The following SOX6 variants were observed in gnomAD, a reference collection of about 807,000 sequenced individuals.
SOX6 encodes the protein transcription factor SOX-6.
Under a neutral mutation model 97.8 loss-of-function variants are expected in SOX6, and 11 were observed. The ratio of observed to expected loss-of-function variants is 0.11; its 90% CI spans 0.07 to 0.19. The LOEUF is 0.19. Among genes scored for constraint, SOX6 ranks in the 10% least tolerant of loss-of-function variants. The pLI is 1.00. For missense variants in SOX6, 810 were observed against 1,039.5 expected (o/e 0.78, Z 3.04); for synonymous variants, 360 against 371.4 (o/e 0.97, Z 0.35).
intron 4 of SOX6, among the ~76,000 whole-genome samples, chr11:16,192,424 T>G (rs1851656622): frequency 6.6e-6 from 1 of 152,168 alleles, no homozygotes; most frequent in African/African-American, 2.4e-5. Context: ...GTACTTAAAA[T>G]TTTGAGTCTC....
intron 6 of SOX6, among the ~76,000 whole-genome samples, chr11:16,124,216 A>T (rs1229718032): frequency 6.6e-6 from 1 of 152,136 alleles, no homozygotes; most frequent in Non-Finnish European, 1.5e-5. Context: ...GTTTCTTTTA[A>T]GACCTGACAC....
Position 16,573,706 on chromosome 11 carries a change from C to T in SOX6, n.609+38375G>A, listed in dbSNP as rs142573433. ...CATTAATTTATTTTTAACCTATTAACCAATTGAAAATATGACAATTTCCAG... is the reference window on the plus strand; with the variant it reads ...CATTAATTTATTTTTAACCTATTAATCAATTGAAAATATGACAATTTCCAG... On this transcript the variant is annotated intron_variant and non_coding_transcript_variant, in intron 4 of 5. Transcript: ENST00000524520. 6.4e-3 allele frequency among the ~76,000 whole-genome samples: 967 copies of T among 152,248 alleles called. 6 individuals are homozygous for T. The highest frequency in any genetic ancestry group is 9.9e-3 in the Non-Finnish European group (672 of 67,990).
At chr11:16,461,191 G>C (rs1417714253) in intron 1 of SOX6, among the ~76,000 whole-genome samples, 4 of 152,062 alleles carry the variant, frequency 2.6e-5, no homozygotes, top group Non-Finnish European at 5.9e-5. Context: ...GAGTCATTTT[G>C]ACTCCTTTCC....
chr11:16,132,470 A>AAG (rs1350261357), intron 6 of SOX6, among the ~76,000 whole-genome samples: 12 of 145,846 alleles, frequency 8.2e-5, no homozygotes, highest in African/African-American at 2.8e-4. Context: ...GAAAGAAAGA[A>AAG]AGAAAGAAAG....
At chr11:16,369,002 G>A (rs1415500406) in intron 1 of SOX6, among the ~76,000 whole-genome samples, 1 of 152,130 alleles carries the variant, frequency 6.6e-6, no homozygotes, top group Non-Finnish European at 1.5e-5. Context: ...GAGGGAGGTA[G>A]AGGTGGGAGG....
chr11:16,600,937 AG>A (rs1168516211), intron 4 of SOX6, among the ~76,000 whole-genome samples: 2 of 152,186 alleles, frequency 1.3e-5, no homozygotes, highest in Non-Finnish European at 2.9e-5. Context: ...TACACTATAT[AG>A]GAGCACTAGG....
intron 13 of SOX6, among the ~76,000 whole-genome samples, chr11:16,012,474 T>A (rs1411454850): frequency 6.6e-6 from 1 of 151,978 alleles, no homozygotes; most frequent in Non-Finnish European, 1.5e-5. Flanking sequence ...AAAGGGAGGT[T>A]TTCACATGCT....
intron 4 of SOX6, among the ~76,000 whole-genome samples, chr11:16,212,800 C>G (rs1254163345): frequency 6.6e-6 from 1 of 152,094 alleles, no homozygotes; most frequent in South Asian, 2.1e-4. Context: ...TTGCATTTCC[C>G]TATTCTTCAG....
intron 2 of SOX6, among the ~76,000 whole-genome samples, chr11:16,329,378 A>G (rs943116134): frequency 1.3e-5 from 2 of 152,194 alleles, no homozygotes; most frequent in African/African-American, 4.8e-5. Flanking sequence ...TTATCTATAC[A>G]CTACCAGCCT....
intron 4 of SOX6, among the ~76,000 whole-genome samples, chr11:16,187,366 T>C (rs1851507729): frequency 6.6e-6 from 1 of 152,110 alleles, no homozygotes; most frequent in Non-Finnish European, 1.5e-5. Flanking sequence ...ATCTAAGACA[T>C]AGTAGGTGCT....
At chr11:16,414,267 A>G (rs1356249911) in intron 1 of SOX6, among the ~76,000 whole-genome samples, 3 of 152,224 alleles carry the variant, frequency 2.0e-5, no homozygotes. Flanking sequence ...AGGATAAATA[A>G]TACACTTCAT....
At chr11:16,484,300 T>A (rs1187158031) in intron 4 of SOX6, 7 of 1,094,546 alleles carry the variant, frequency 6.4e-6, no homozygotes, top group Non-Finnish European at 9.9e-6. Context: ...ACTCATCCAA[T>A]GGGGAAAATT....
At chr11:16,627,978 G>A (rs570597183) in intron 3 of SOX6, among the ~76,000 whole-genome samples, 27 of 152,040 alleles carry the variant, frequency 1.8e-4, no homozygotes, top group Non-Finnish European at 3.5e-4. Flanking sequence ...TTTATATATG[G>A]TGAAAGGTAT....
intron 1 of SOX6, among the ~76,000 whole-genome samples, chr11:16,380,905 G>C (rs771750525): frequency 1.1e-4 from 17 of 152,126 alleles, no homozygotes; most frequent in Non-Finnish European, 2.1e-4. Flanking sequence ...TTAATTGGCA[G>C]TGTGGCATTG....
chr11:16,098,500 C>T (rs1024069195), intron 7 of SOX6, among the ~76,000 whole-genome samples: 1 of 151,738 alleles, frequency 6.6e-6, no homozygotes, highest in Non-Finnish European at 1.5e-5. Flanking sequence ...GACGGAAGTA[C>T]CTTCTGTGAC....
chr11:16,294,559 A>T (rs552085757), intron 3 of SOX6, among the ~76,000 whole-genome samples: 1 of 152,050 alleles, frequency 6.6e-6, no homozygotes, highest in East Asian at 1.9e-4. Context: ...TTTCTGGAAA[A>T]CTCAAATGCT....
chr11:16,394,358 G>A (rs1018143), intron 1 of SOX6, among the ~76,000 whole-genome samples: 90,488 of 151,536 alleles, frequency 0.6, 27,067 homozygotes, highest in Non-Finnish European at 0.61. Context: ...CAAGTGAGAC[G>A]TTCTATAAAT....
chr11:16,144,106 G>C (rs773927559), intron 6 of SOX6, among the ~76,000 whole-genome samples: 4 of 152,112 alleles, frequency 2.6e-5, no homozygotes, highest in African/African-American at 4.8e-5. Flanking sequence ...TGGAAGTAAA[G>C]CACTCCGCAG....
At chr11:16,557,344 T>C (rs575578891) in intron 4 of SOX6, among the ~76,000 whole-genome samples, 5 of 151,918 alleles carry the variant, frequency 3.3e-5, no homozygotes, top group Admixed American at 1.3e-4. Flanking sequence ...CTTCTCCCTA[T>C]CTCACACCCT....
Sources: gnomAD v4.1 joint callset for allele counts (sites outside exome capture counted in the v4.1 genomes callset) on GRCh38, gnomAD v4.1.1 for gene constraint, MANE v1.5 for transcripts, NCBI Gene and HGNC (gene_info 2026-07-23, HGNC 2026-07-21) for gene names.